CNTNAP5: variants seen among roughly 807,000 people sequenced by gnomAD.
CNTNAP5 encodes contactin associated protein family member 5.
CNTNAP5 carries 72 observed loss-of-function variants against 150.2 expected under a neutral mutation model. That is an observed-to-expected ratio of 0.48 (90% CI 0.40 to 0.58). CNTNAP5 has a LOEUF of 0.58. Among genes scored for constraint, CNTNAP5 ranks in the 20% least tolerant of loss-of-function variants. The probability of loss-of-function intolerance (pLI) is 0.00; values close to 1 mark genes in which losing one functional copy is unlikely to be tolerated. For missense variants in CNTNAP5, 1,636 were observed against 1,626.2 expected (o/e 1.01, Z -0.10); for synonymous variants, 672 against 619.8 (o/e 1.08, Z -1.25).
chr2:124,459,215 A>G (rs1693191434), intron 6 of CNTNAP5, among the ~76,000 whole-genome samples: 1 of 152,226 alleles, frequency 6.6e-6, no homozygotes, highest in African/African-American at 2.4e-5. Flanking sequence ...AGGTACCCAG[A>G]GTACACTCAG....
chr2:124,298,851 C>A (rs1303681558), intron 3 of CNTNAP5, among the ~76,000 whole-genome samples: 1 of 152,126 alleles, frequency 6.6e-6, no homozygotes, highest in Non-Finnish European at 1.5e-5. Flanking sequence ...GCTCTATCAG[C>A]TTTTAATGTT....
At chr2:124,248,258 C>G (rs1687080472) in intron 3 of CNTNAP5, among the ~76,000 whole-genome samples, 1 of 152,128 alleles carries the variant, frequency 6.6e-6, no homozygotes, top group Non-Finnish European at 1.5e-5. Context: ...TAGAATCTTC[C>G]AGGCCCATTG....
chr2:124,790,290 CAT>C, intron 18 of CNTNAP5, 149 bp downstream of exon 18: 1 of 863,484 alleles, frequency 1.2e-6, no homozygotes, highest in African/African-American at 1.7e-5. Flanking sequence ...AACGTAATTG[CAT>C]ATACTTATTG....
At chr2:124,344,506 A>T (rs1358045864) in intron 3 of CNTNAP5, among the ~76,000 whole-genome samples, 1 of 152,162 alleles carries the variant, frequency 6.6e-6, no homozygotes, top group African/African-American at 2.4e-5. Flanking sequence ...GCAGTGGCTC[A>T]CCCTTGTAAT....
chr2:124,794,105 T>C, intron 18 of CNTNAP5, among the ~76,000 whole-genome samples: 1 of 152,228 alleles, frequency 6.6e-6, no homozygotes, highest in East Asian at 1.9e-4. Context: ...TCACCAATAT[T>C]TGTAAGCATC....
chr2:124,608,025 A>G (rs1172117658), intron 11 of CNTNAP5, among the ~76,000 whole-genome samples: 1 of 152,210 alleles, frequency 6.6e-6, no homozygotes, highest in East Asian at 1.9e-4. Context: ...TCTAATTTAT[A>G]AAAAGTCAAA....
intron 1 of CNTNAP5, among the ~76,000 whole-genome samples, chr2:124,112,125 G>T (rs549372082): frequency 1.3e-5 from 2 of 152,278 alleles, no homozygotes; most frequent in African/African-American, 4.8e-5. Flanking sequence ...CTCCATTCAG[G>T]CTTGTATAGA....
rs1326070483 is a variant in CNTNAP5, at chr2:124,674,496, C to CCTTT, written c.2077+26549_2077+26552dup. On this transcript the variant is annotated intron_variant, in intron 13 of 23. Transcript: ENST00000682447. ...TCCCTCCCTCTCTCCCTCTCTACTT[C>CCTTT]CTTTCTTTCTTTCTCTTTCTTTCTT... 3.5e-5 allele frequency among the ~76,000 whole-genome samples: 4 copies of CCTTT among 113,752 alleles called. No individual in the cohort carries two copies. In the Admixed American group the frequency reaches 3.8e-4, roughly 11 times the overall value. The allele number at this position is 113,752 out of a possible 152,430, so 74.6% of individuals were successfully genotyped here.
rs1215157223 is a variant in CNTNAP5 at position 124,213,954 on chromosome 2, G to C, written c.83-7751G>C. ...TATATTCCTACAAAATTGTCAAATA[G>C]AGAGAGGTCTGCCGTCATATTAGAG... On this transcript the variant is annotated intron_variant, in intron 1 of 23. Coordinates refer to ENST00000682447, the MANE Select transcript of CNTNAP5 (RefSeq NM_001367498.1). 2.0e-5 allele frequency among the ~76,000 whole-genome samples: 3 copies of C among 152,166 alleles called. No homozygotes were observed. In the East Asian group the frequency reaches 5.8e-4, roughly 29 times the overall value.
chr2:124,403,742 A>G (rs1691493025), intron 3 of CNTNAP5, among the ~76,000 whole-genome samples: 2 of 152,196 alleles, frequency 1.3e-5, no homozygotes, highest in Admixed American at 1.3e-4. Flanking sequence ...TCATGCTGCT[A>G]ATAAAGACAT....
intron 10 of CNTNAP5, among the ~76,000 whole-genome samples, chr2:124,556,422 G>A (rs1175429655): frequency 6.6e-6 from 1 of 152,070 alleles, no homozygotes; most frequent in Non-Finnish European, 1.5e-5. Flanking sequence ...TATTTTGTAG[G>A]AGAATAGGAA....
chr2:124,339,707 C>A (rs962761371), intron 3 of CNTNAP5, among the ~76,000 whole-genome samples: 4 of 152,050 alleles, frequency 2.6e-5, no homozygotes, highest in Admixed American at 2.6e-4. Context: ...GTGCGGGCAA[C>A]CCACATGGGG....
intron 14 of CNTNAP5, among the ~76,000 whole-genome samples, chr2:124,755,978 T>G (rs899264703): frequency 6.6e-6 from 1 of 152,216 alleles, no homozygotes; most frequent in African/African-American, 2.4e-5. Context: ...ATTTATTTTT[T>G]AAAAGTGGGG....
intron 20 of CNTNAP5, among the ~76,000 whole-genome samples, chr2:124,865,771 C>G (rs1677618677): frequency 6.6e-6 from 1 of 151,720 alleles, no homozygotes; most frequent in Non-Finnish European, 1.5e-5. Context: ...TAGTGAAACC[C>G]CATCTCTACT....
At chr2:124,080,959 G>T (rs1462754555) in intron 1 of CNTNAP5, among the ~76,000 whole-genome samples, 1 of 152,102 alleles carries the variant, frequency 6.6e-6, no homozygotes, top group African/African-American at 2.4e-5. Context: ...GTGATTGAAG[G>T]ATTCTAGTGA....
At chr2:124,262,016 G>A (rs999906286) in intron 3 of CNTNAP5, among the ~76,000 whole-genome samples, 4 of 152,142 alleles carry the variant, frequency 2.6e-5, no homozygotes, top group Non-Finnish European at 5.9e-5. Flanking sequence ...GGCTGAGGCA[G>A]GAGGATCAGT....
intron 1 of CNTNAP5, among the ~76,000 whole-genome samples, chr2:124,158,268 G>T (rs1338247167): frequency 6.6e-6 from 1 of 152,142 alleles, no homozygotes; most frequent in East Asian, 1.9e-4. Context: ...AATGTACAAT[G>T]CCTAGTACAA....
At chr2:124,510,258 T>A (rs1243020916) in intron 8 of CNTNAP5, among the ~76,000 whole-genome samples, 172 of 126,762 alleles carry the variant, frequency 1.4e-3, no homozygotes, top group Non-Finnish European at 3.0e-4. Flanking sequence ...TATCTATATC[T>A]ATATATCTAT....
intron 1 of CNTNAP5, among the ~76,000 whole-genome samples, chr2:124,068,661 C>T (rs545020087): frequency 6.6e-6 from 1 of 151,948 alleles, no homozygotes; most frequent in Non-Finnish European, 1.5e-5. Flanking sequence ...CCTCCTTCAA[C>T]ACCAGGTAGC....
Sources: allele counts gnomAD v4.1 joint callset (sites outside exome capture counted in the v4.1 genomes callset), GRCh38; gene constraint gnomAD v4.1.1; transcripts MANE v1.5; gene names NCBI Gene and HGNC (gene_info 2026-07-23, HGNC 2026-07-21).